ALK: variants seen among roughly 807,000 people sequenced by gnomAD.
ALK encodes the protein ALK receptor tyrosine kinase, also known as ALK tyrosine kinase receptor.
In ALK, 74 loss-of-function variants were observed where a neutral mutation model predicts 163.1. The observed-to-expected ratio is 0.45, with a 90% CI of 0.38 to 0.55. The LOEUF (loss-of-function observed/expected upper bound fraction) is 0.55. ALK is among the 20% of genes least tolerant of loss of function. The pLI, the probability that ALK is intolerant of heterozygous loss-of-function variation, is 0.00. For missense variants in ALK, 2,063 were observed against 2,105.3 expected (o/e 0.98, Z 0.39); for synonymous variants, 960 against 843.2 (o/e 1.14, Z -2.40).
At chr2:29,200,195 T>C (rs535889636) in intron 26 of ALK, among the ~76,000 whole-genome samples, 40 of 152,278 alleles carry the variant, frequency 2.6e-4, no homozygotes, top group African/African-American at 7.5e-4. Context: ...TTGGTGATCT[T>C]ACTTCCCTTC....
chr2:29,478,901 T>A (rs544280514), intron 4 of ALK, among the ~76,000 whole-genome samples: 3 of 152,306 alleles, frequency 2.0e-5, no homozygotes, highest in African/African-American at 4.8e-5. Flanking sequence ...TGTTAAGACA[T>A]GTCCCCAGAG....
At chr2:29,361,892 T>G (rs1349755281) in intron 5 of ALK, among the ~76,000 whole-genome samples, 1 of 152,228 alleles carries the variant, frequency 6.6e-6, no homozygotes, top group African/African-American at 2.4e-5. Flanking sequence ...TTCCTTCGAC[T>G]GTCTTTGAAA....
chr2:29,640,166 A>C (rs1676661750), intron 3 of ALK, among the ~76,000 whole-genome samples: 1 of 152,160 alleles, frequency 6.6e-6, no homozygotes, highest in Non-Finnish European at 1.5e-5. Context: ...GTGGATTCTC[A>C]AACATTCATC....
chr2:29,676,782 CT>C (rs1441399494), intron 3 of ALK, among the ~76,000 whole-genome samples: 2 of 151,842 alleles, frequency 1.3e-5, no homozygotes, highest in Admixed American at 6.6e-5. Context: ...TGTAATGTCT[CT>C]TTTTTTAATT....
intron 11 of ALK, among the ~76,000 whole-genome samples, chr2:29,266,303 T>C (rs991363225): frequency 5.3e-5 from 8 of 152,166 alleles, no homozygotes; most frequent in Non-Finnish European, 1.0e-4. Flanking sequence ...ATTCAAGATA[T>C]TAACCTCCCC....
intron 5 of ALK, among the ~76,000 whole-genome samples, chr2:29,368,684 G>C (rs1668569785): frequency 6.6e-6 from 1 of 152,160 alleles, no homozygotes; most frequent in Non-Finnish European, 1.5e-5. Context: ...GAACTTCATA[G>C]AGTGGGAAGT....
chr2:29,847,948 C>A (rs1005467468), intron 1 of ALK, among the ~76,000 whole-genome samples: 1 of 152,018 alleles, frequency 6.6e-6, no homozygotes, highest in Admixed American at 6.6e-5. Context: ...CTTTGATACG[C>A]TCATTGTCTA....
chr2:29,590,678 A>C (rs1675022657), intron 3 of ALK, among the ~76,000 whole-genome samples: 2 of 151,806 alleles, frequency 1.3e-5, no homozygotes, highest in Admixed American at 6.6e-5. Context: ...CCTCCTTGGA[A>C]TTTTCCATCC....
chr2:29,379,383 A>G (rs1668839841), intron 5 of ALK, among the ~76,000 whole-genome samples: 2 of 152,216 alleles, frequency 1.3e-5, no homozygotes, highest in African/African-American at 4.8e-5. Flanking sequence ...TGATTAACCA[A>G]TCAGTCAACA....
intron 4 of ALK, among the ~76,000 whole-genome samples, chr2:29,411,676 C>T (rs1005997841): frequency 1.3e-5 from 2 of 152,130 alleles, no homozygotes; most frequent in Non-Finnish European, 2.9e-5. Context: ...TCTTCTTTTC[C>T]TTCTCATGCA....
At chr2:29,365,534 A>G (rs1207964514) in intron 5 of ALK, among the ~76,000 whole-genome samples, 1 of 152,208 alleles carries the variant, frequency 6.6e-6, no homozygotes, top group Non-Finnish European at 1.5e-5. Flanking sequence ...CTTGTGCAGG[A>G]AAAAGACACA....
Position 29,920,764 on chromosome 2 carries a change from C to G in ALK, c.-105G>C, listed in dbSNP as rs1667979535. 3 of 1,032,582 alleles carry G rather than the reference C, an allele frequency of 2.9e-6. No individual in the cohort carries two copies. In the South Asian group the frequency reaches 4.4e-5, roughly 15 times the overall value. The allele number at this position is 1,032,582 out of a possible 1,614,324, so 64.0% of individuals were successfully genotyped here. ...AACAGTCCTTGGTACCCAGCGGCTC[C>G]TTCCACCTGATCTCCAGAGGACTGT... is the stretch of plus-strand genomic sequence containing the variant. On this transcript the variant is annotated 5_prime_UTR_variant, in exon 1 of 29. Transcript: ENST00000389048.
intron 5 of ALK, among the ~76,000 whole-genome samples, chr2:29,369,888 G>A (rs1386666815): frequency 1.3e-5 from 2 of 152,118 alleles, no homozygotes; most frequent in African/African-American, 4.8e-5. Context: ...ATTACATACA[G>A]CCACAGATAA....
chr2:29,538,795 T>C (rs191716873), intron 3 of ALK, among the ~76,000 whole-genome samples: 3 of 152,212 alleles, frequency 2.0e-5, no homozygotes, highest in Non-Finnish European at 4.4e-5. Context: ...ATTATAATCA[T>C]AGTTTTCCTT....
intron 3 of ALK, among the ~76,000 whole-genome samples, chr2:29,551,673 G>A (rs2148175485): frequency 6.6e-6 from 1 of 152,160 alleles, no homozygotes; most frequent in East Asian, 1.9e-4. Context: ...AAAACAGCAT[G>A]GATAGTGTGA....
intron 1 of ALK, among the ~76,000 whole-genome samples, chr2:29,761,474 A>T (rs892220629): frequency 2.6e-5 from 4 of 152,230 alleles, no homozygotes; most frequent in Non-Finnish European, 5.9e-5. Flanking sequence ...TCTTGAGGGC[A>T]GCATGACCTC....
At chr2:29,226,864 T>C (rs2148178113) in intron 18 of ALK, 58 bp downstream of exon 18, 2 of 1,607,002 alleles carry the variant, frequency 1.2e-6, no homozygotes. Context: ...CCATTTGTGG[T>C]CATGGGCCAA....
chr2:29,260,209 C>T (rs1043021591), intron 11 of ALK, among the ~76,000 whole-genome samples: 5 of 113,112 alleles, frequency 4.4e-5, no homozygotes, highest in African/African-American at 8.1e-5. Flanking sequence ...AGTTCTAGCA[C>T]CACATTTCTG....
chr2:29,916,310 C>T (rs1667833531), intron 1 of ALK, among the ~76,000 whole-genome samples: 1 of 152,240 alleles, frequency 6.6e-6, no homozygotes, highest in African/African-American at 2.4e-5. Context: ...TCCTCTCCTT[C>T]ACTGCCACTC....
Sources: gnomAD v4.1 joint callset for allele counts (sites outside exome capture counted in the v4.1 genomes callset) on GRCh38, gnomAD v4.1.1 for gene constraint, MANE v1.5 for transcripts, NCBI Gene and HGNC (gene_info 2026-07-23, HGNC 2026-07-21) for gene names.